The following SUN5 variants were observed in gnomAD, a reference collection of about 807,000 sequenced individuals.
SUN5 encodes SUN domain-containing protein 5.
In SUN5, 44 loss-of-function variants were observed where a neutral mutation model predicts 53.7. The observed-to-expected ratio is 0.82, with a 90% CI of 0.64 to 1.05. The LOEUF (loss-of-function observed/expected upper bound fraction) is 1.05, where lower values mean the gene tolerates loss of function less well. Ranked by LOEUF, SUN5 falls within the 50% of genes least tolerant of loss-of-function variation. SUN5 has a pLI of 0.00. For missense variants in SUN5, 433 were observed against 483.8 expected (o/e 0.90, Z 0.98); for synonymous variants, 166 against 179.8 (o/e 0.92, Z 0.62).
chr20:33,002,818 C>T lies in SUN5; in HGVS notation c.136+43G>A, dbSNP rs769332436. ...GTTTGACATCCCTGAGCCTCAGCCC[C>T]TCAGCTGCCCATGAAAATACCAGGG... On this transcript the variant is annotated intron_variant, in intron 2 of 12. Transcript: ENST00000356173. 1.7e-5 allele frequency: 27 copies of T among 1,612,748 alleles called. No homozygotes were observed. The South Asian group carries it at 2.6e-4, about 16-fold the overall frequency.
At position 32,985,776 on chromosome 20, in the gene SUN5, G is replaced by A. The variant is rs1403726296; in HGVS notation, c.857C>T (p.Ser286Leu). Reference protein sequence around the residue: ...LQHIPKTISLSGSLDTAPKDF... With the variant: ...LQHIPKTISLLGSLDTAPKDF... ...CTTGGGGGCGGTGTCCAGGCTGCCT[G>A]ACAATGAGATGGTCTTGGGGATGTG... Residue 286 changes from serine to leucine, a missense_variant, in exon 11 of 13, where the codon TCA becomes TTA. Physicochemically the swap from Ser to Leu is moderately radical, Grantham distance 145. Transcript: ENST00000356173. The A allele has an allele frequency of 2.0e-5, 32 of 1,614,018 alleles. No individual in the cohort carries two copies. Among genetic ancestry groups the A allele is most frequent in the Non-Finnish European group, 2.5e-5 (30 of 1,179,996 alleles).
intron 4 of SUN5, 73 bp downstream of exon 4, chr20:33,001,139 T>G (rs1989994233): frequency 6.7e-7 from 1 of 1,503,192 alleles, no homozygotes; most frequent in South Asian, 1.2e-5. Flanking sequence ...TCCAAACTGA[T>G]GGAGGGGCTG....
rs140371828 is a variant in SUN5 at position 32,986,804 on chromosome 20, C to T, written c.729+856G>A. Among the ~76,000 whole-genome samples, 607 of 152,324 alleles carry T rather than the reference C, an allele frequency of 4.0e-3. 7 individuals carry two copies. In the Middle Eastern group the frequency reaches 0.065, roughly 16 times the overall value. Reference sequence around the variant, plus strand: ...TTTGCAACCCAGCCACTGCCCGCCGCGTCCCCCGCCCCAGCCTGGATGTGT... The same window carrying T: ...TTTGCAACCCAGCCACTGCCCGCCGTGTCCCCCGCCCCAGCCTGGATGTGT... On this transcript the variant is annotated intron_variant, in intron 10 of 12. Coordinates refer to ENST00000356173, the MANE Select transcript of SUN5 (RefSeq NM_080675.4).
In SUN5 at chr20:33,004,318, G is replaced by T; in HGVS notation, c.23C>A (p.Pro8His). Residue 8 changes from proline to histidine, a missense_variant, in exon 1 of 13, where the codon CCT (proline) becomes CAT (histidine). Coordinates refer to ENST00000356173, the MANE Select transcript of SUN5 (RefSeq NM_080675.4). Reference protein sequence around the residue: MPRSSRSPGDPGALLEDV... With the variant: MPRSSRSHGDPGALLEDV... Reference sequence around the variant, plus strand: ...TTCGAGTAGGGCGCCTGGGTCCCCAGGGCTCCTTGAGGACCGTGGCATCGA... The same window carrying T: ...TTCGAGTAGGGCGCCTGGGTCCCCATGGCTCCTTGAGGACCGTGGCATCGA... The T allele has an allele frequency of 6.4e-7, 1 of 1,573,322 alleles. No individual in the cohort carries two copies. The highest frequency in any genetic ancestry group is 2.3e-5 in the East Asian group (1 of 42,722).
Position 33,002,597 on chromosome 20 carries a change from C to A in SUN5, c.201G>T (p.Leu67=), listed in dbSNP as rs1568971801. Residue 67 remains leucine, a synonymous_variant, in exon 3 of 13, where the codon CTG becomes CTT. Transcript: ENST00000356173. ...TCAGTATATACGTACACACACATCC[C>A]AGCATGCACTGAGTCAGGCCTAGGG... ...DQALGLTQCM[L]GCVSWFTCFA... 2 of 1,614,092 alleles carry A rather than the reference C, an allele frequency of 1.2e-6. No individual in the cohort carries two copies. The highest frequency in any genetic ancestry group is 2.7e-5 in the African/African-American group (2 of 74,930).
At chr20:32,992,680 G>T (rs1006894776) in intron 8 of SUN5, among the ~76,000 whole-genome samples, 3 of 152,106 alleles carry the variant, frequency 2.0e-5, no homozygotes, top group African/African-American at 7.2e-5. Context: ...GGAGATATTT[G>T]CAATATGTAC....
chr20:32,999,179 G>A (rs906948847), intron 5 of SUN5, among the ~76,000 whole-genome samples: 9 of 152,126 alleles, frequency 5.9e-5, no homozygotes, highest in Non-Finnish European at 1.3e-4. Flanking sequence ...ACTAAAAATC[G>A]GGTTCAGCAA....
Position 32,986,832 on chromosome 20 carries a change from A to G in SUN5, c.729+828T>C, listed in dbSNP as rs530946169. On this transcript the variant is annotated intron_variant, in intron 10 of 12. Coordinates refer to ENST00000356173, the MANE Select transcript of SUN5 (RefSeq NM_080675.4). Reference sequence around the variant, plus strand: ...CCCCCGCCCCAGCCTGGATGTGTGCACCACCCCCCACTCCCGGGCCCTGTG... The same window carrying G: ...CCCCCGCCCCAGCCTGGATGTGTGCGCCACCCCCCACTCCCGGGCCCTGTG... 2.0e-5 allele frequency among the ~76,000 whole-genome samples: 3 copies of G among 151,822 alleles called. No homozygotes were observed. In the East Asian group the frequency reaches 5.8e-4, roughly 30 times the overall value.
chr20:32,993,617 A>G (rs1989761566), intron 8 of SUN5, among the ~76,000 whole-genome samples: 1 of 152,214 alleles, frequency 6.6e-6, no homozygotes, highest in South Asian at 2.1e-4. Flanking sequence ...AAAACTTCAT[A>G]TCTTCACAGT....
intron 3 of SUN5, among the ~76,000 whole-genome samples, chr20:33,001,575 C>T (rs956200225): frequency 3.2e-4 from 24 of 75,728 alleles, no homozygotes; most frequent in Admixed American, 5.1e-4. Context: ...TTCTTCCTTC[C>T]TTCCTTTCTT....
intron 1 of SUN5, among the ~76,000 whole-genome samples, chr20:33,003,868 T>C (rs1170137162): frequency 6.6e-6 from 1 of 152,178 alleles, no homozygotes. Flanking sequence ...ATAGGCATCA[T>C]TTTAAGTTGG....
At chr20:32,994,496 A>G (rs112560251) in intron 8 of SUN5, among the ~76,000 whole-genome samples, 196 of 152,362 alleles carry the variant, frequency 1.3e-3, no homozygotes, top group African/African-American at 4.4e-3. Context: ...ATTAAAATAA[A>G]GGAAAAGATG....
intron 5 of SUN5, among the ~76,000 whole-genome samples, chr20:32,999,463 C>T (rs1046685532): frequency 2.0e-5 from 3 of 151,956 alleles, no homozygotes; most frequent in African/African-American, 4.8e-5. Context: ...TGTGGTGGCG[C>T]GCGCCTGTAG....
At position 32,997,700 on chromosome 20, in the gene SUN5, G is replaced by A. The variant is rs376234779; in HGVS notation, c.341-13C>T. On this transcript the variant is annotated splice_polypyrimidine_tract_variant and intron_variant, in intron 5 of 12. Coordinates refer to ENST00000356173, the MANE Select transcript of SUN5 (RefSeq NM_080675.4). ...AACATCCAGAATCCTGTGAGGCCAT[G>A]AGAATAAGAATGAGCCATTTAACAT... 51 of 1,613,954 alleles carry A rather than the reference G, an allele frequency of 3.2e-5. No individual in the cohort carries two copies. The African/African-American group carries it at 4.4e-4, about 14-fold the overall frequency.
At chr20:32,992,564 A>G (rs1034050459) in intron 8 of SUN5, among the ~76,000 whole-genome samples, 1 of 142,692 alleles carries the variant, frequency 7.0e-6, no homozygotes, top group Admixed American at 7.2e-5. Context: ...CTTAAATAGG[A>G]TACCCAAAGC....
chr20:32,992,675 T>C (rs113128843), intron 8 of SUN5, among the ~76,000 whole-genome samples: 18 of 152,296 alleles, frequency 1.2e-4, no homozygotes, highest in African/African-American at 4.1e-4. Context: ...TGGGAGGAGA[T>C]ATTTGCAATA....
chr20:32,983,796 A>G lies in SUN5; in HGVS notation c.1138T>C (p.Ter380GlnextTer?). 6.8e-7 allele frequency: 1 copy of G among 1,472,458 alleles called. No homozygotes were observed. The highest frequency in any genetic ancestry group is 9.0e-7 in the Non-Finnish European group (1 of 1,106,498). 91.2% of individuals were successfully genotyped at this position (1,472,458 alleles called of 1,614,324 possible). A position where few individuals can be genotyped will look rare whatever the true frequency, so the allele number is the denominator to read the frequency against. Residue 380 changes from the stop codon to glutamine (Q), a stop_lost, in exon 13 of 13, where the codon TAA (stop) becomes CAA (glutamine). Coordinates refer to ENST00000356173, the MANE Select transcript of SUN5 (RefSeq NM_080675.4). Reference sequence around the variant, plus strand: ...GGTCTGGGGGTAAAGAATAAATTTTAATCTCTCTTAGGGTAGGGGTTCTGG... The same window carrying G: ...GGTCTGGGGGTAAAGAATAAATTTTGATCTCTCTTAGGGTAGGGGTTCTGG... Reference protein sequence around the residue: ...PHQNPYPKRD* With the variant: ...PHQNPYPKRDQ
rs764007748 is a variant in SUN5 at position 32,983,963 on chromosome 20, A to C, written c.985-14T>G. 3 of 1,548,896 alleles carry C rather than the reference A, an allele frequency of 1.9e-6. No individual in the cohort carries two copies. Among genetic ancestry groups the C allele is most frequent in the Non-Finnish European group, 2.6e-6 (3 of 1,145,332 alleles). On this transcript the variant is annotated splice_polypyrimidine_tract_variant and intron_variant, in intron 12 of 12. Coordinates refer to ENST00000356173, the MANE Select transcript of SUN5 (RefSeq NM_080675.4). ...GGCCGGCTGGTTCTGGAAGAGAATC[A>C]GTCACAGAGGCAGCTCACCCATAGA...
At chr20:33,001,519 C>CTTTCTTTCTTTCT (rs68051515) in intron 3 of SUN5, among the ~76,000 whole-genome samples, 9,112 of 121,288 alleles carry the variant, frequency 0.075, 1,102 homozygotes, top group African/African-American at 0.09. Context: ...TTCTTTCTTT[C>CTTTCTTTCTTTCT]TTCTTTCTTT....
Sources: allele counts gnomAD v4.1 joint callset (sites outside exome capture counted in the v4.1 genomes callset), GRCh38; gene constraint gnomAD v4.1.1; transcripts MANE v1.5; gene names NCBI Gene and HGNC (gene_info 2026-07-23, HGNC 2026-07-21).